The following ZFHX3 variants were observed in gnomAD, a reference collection of about 807,000 sequenced individuals.
ZFHX3 encodes zinc finger homeobox protein 3.
Under a neutral mutation model 279.1 loss-of-function variants are expected in ZFHX3, and 42 were observed. The observed-to-expected ratio is 0.15, with a 90% CI of 0.12 to 0.19. The LOEUF (loss-of-function observed/expected upper bound fraction) is 0.19. Ranked by LOEUF, ZFHX3 falls within the 10% of genes least tolerant of loss-of-function variation. The probability of loss-of-function intolerance (pLI) is 1.00; values close to 1 mark genes in which losing one functional copy is unlikely to be tolerated. For synonymous variants in ZFHX3, 2,293 were observed against 1,957.8 expected, an observed-to-expected ratio of 1.17 and a Z score of -4.52; for missense variants, 4,981 against 4,754.0, an observed-to-expected ratio of 1.05 and a Z score of -1.40.
At chr16:73,154,467 C>T (rs1478180432) in intron 5 of ZFHX3, among the ~76,000 whole-genome samples, 2 of 152,090 alleles carry the variant, frequency 1.3e-5, no homozygotes, top group African/African-American at 2.4e-5. Flanking sequence ...CTGATGATTC[C>T]GTTATCCTTG....
At chr16:73,192,583 C>A (rs2144890199) in intron 5 of ZFHX3, among the ~76,000 whole-genome samples, 1 of 152,292 alleles carries the variant, frequency 6.6e-6, no homozygotes, top group African/African-American at 2.4e-5. Flanking sequence ...AAGAGTTAAT[C>A]ACAGAATCAC....
At chr16:73,619,500 T>TATATATATA (rs34326004) in intron 2 of ZFHX3, among the ~76,000 whole-genome samples, 18 of 131,750 alleles carry the variant, frequency 1.4e-4, no homozygotes, top group African/African-American at 5.1e-4. Flanking sequence ...AAAAAAAAAA[T>TATATATATA]TATATATATA....
intron 2 of ZFHX3, among the ~76,000 whole-genome samples, chr16:73,507,749 C>T (rs1041471624): frequency 6.6e-6 from 1 of 151,804 alleles, no homozygotes; most frequent in Admixed American, 6.6e-5. Context: ...AATCCTCCCA[C>T]CTTGGCCTCC....
intron 2 of ZFHX3, among the ~76,000 whole-genome samples, chr16:73,642,985 T>C (rs1362736494): frequency 1.3e-5 from 2 of 152,032 alleles, no homozygotes; most frequent in African/African-American, 4.8e-5. Flanking sequence ...AAGCCAACAA[T>C]AGAATTTGAA....
chr16:72,900,381 C>T lies in ZFHX3; in HGVS notation c.3217-10419G>A, dbSNP rs150455669. On this transcript the variant is annotated intron_variant, in intron 3 of 9. Coordinates refer to ENST00000268489, the MANE Select transcript of ZFHX3 (RefSeq NM_006885.4). Reference sequence around the variant, plus strand: ...ACAGTCAATCCAGCAGAAAAAAACACGTGTCTACTGGTCAAAACGGGTGTG... The same window carrying T: ...ACAGTCAATCCAGCAGAAAAAAACATGTGTCTACTGGTCAAAACGGGTGTG... Among the ~76,000 whole-genome samples, 51 of 152,318 alleles carry T rather than the reference C, an allele frequency of 3.3e-4. 1 individual carries two copies. In the East Asian group the frequency reaches 7.3e-3, roughly 22 times the overall value.
chr16:73,220,719 G>T (rs528212195), intron 5 of ZFHX3, among the ~76,000 whole-genome samples: 118 of 152,158 alleles, frequency 7.8e-4, no homozygotes, highest in African/African-American at 2.5e-3. Flanking sequence ...CCAAGGTAAG[G>T]GTCTGTGGGG....
At chr16:73,802,497 G>A (rs1300371657) in intron 1 of ZFHX3, among the ~76,000 whole-genome samples, 3 of 152,206 alleles carry the variant, frequency 2.0e-5, no homozygotes, top group Admixed American at 2.0e-4. Flanking sequence ...AAGTATCCCA[G>A]ACACTGATGA....
intron 4 of ZFHX3, among the ~76,000 whole-genome samples, chr16:73,281,141 T>A (rs1296811490): frequency 2.0e-5 from 3 of 151,470 alleles, no homozygotes; most frequent in African/African-American, 4.9e-5. Flanking sequence ...TATATATTCA[T>A]AGGAATTGAA....
chr16:73,288,642 C>T (rs1038678496), intron 4 of ZFHX3, among the ~76,000 whole-genome samples: 1 of 152,100 alleles, frequency 6.6e-6, no homozygotes, highest in Non-Finnish European at 1.5e-5. Flanking sequence ...TCCTATTTGT[C>T]GCCCCCAAAC....
chr16:73,653,331 T>TG (rs2052689742), intron 2 of ZFHX3, among the ~76,000 whole-genome samples: 1 of 152,162 alleles, frequency 6.6e-6, no homozygotes, highest in Non-Finnish European at 1.5e-5. Context: ...ATTCACCATA[T>TG]GATGATCCAT....
At chr16:72,894,544 C>G (rs969102553) in intron 3 of ZFHX3, among the ~76,000 whole-genome samples, 1 of 152,128 alleles carries the variant, frequency 6.6e-6, no homozygotes, top group Non-Finnish European at 1.5e-5. Context: ...GCTAAGAGGC[C>G]CATGAGCACT....
chr16:72,790,012 G>C (rs2035628156), intron 9 of ZFHX3: 1 of 152,350 alleles, frequency 6.6e-6, no homozygotes, highest in Admixed American at 6.5e-5. Context: ...TCATGGGCTA[G>C]AATCCCATCC....
chr16:73,875,016 A>T (rs2029902778), intron 1 of ZFHX3, among the ~76,000 whole-genome samples: 2 of 152,200 alleles, frequency 1.3e-5, no homozygotes, highest in South Asian at 4.1e-4. Flanking sequence ...CTGCTAGTAC[A>T]TGCTGCATAC....
intron 7 of ZFHX3, among the ~76,000 whole-genome samples, chr16:72,802,146 A>C (rs1249540986): frequency 3.3e-5 from 5 of 152,192 alleles, no homozygotes; most frequent in Admixed American, 1.3e-4. Flanking sequence ...TAACAGACTC[A>C]GTACGACGGA....
At chr16:73,044,329 C>G (rs529681639) in intron 1 of ZFHX3, among the ~76,000 whole-genome samples, 2 of 152,258 alleles carry the variant, frequency 1.3e-5, no homozygotes. Flanking sequence ...ATTGCACCAG[C>G]CTTAGGAACC....
At chr16:73,171,351 C>G (rs1025398295) in intron 5 of ZFHX3, among the ~76,000 whole-genome samples, 3 of 152,068 alleles carry the variant, frequency 2.0e-5, no homozygotes, top group Admixed American at 2.0e-4. Context: ...GGTCAGGCAC[C>G]GATCAAATGC....
At chr16:73,434,040 C>T (rs183031859) in intron 3 of ZFHX3, among the ~76,000 whole-genome samples, 65 of 152,318 alleles carry the variant, frequency 4.3e-4, no homozygotes, top group Admixed American at 1.6e-3. Flanking sequence ...TCTGACCTCC[C>T]TTGACCTGAC....
rs1406660566 is a variant in ZFHX3, at chr16:73,720,176, G to A, written c.-1607-39936C>T. Among the ~76,000 whole-genome samples the A allele has an allele frequency of 4.6e-5, 7 of 152,232 alleles. No homozygotes were observed. In the East Asian group the frequency reaches 1.4e-3, roughly 29 times the overall value. On this transcript the variant is annotated intron_variant, in intron 1 of 17. Transcript: ENST00000641206. ...AAAGTTTCATGTTTCATTATTTAAC[G>A]ACAATCTCTAGTGTGGAAAAAGAGT...
chr16:73,037,227 G>A lies in ZFHX3; in HGVS notation c.-50+10525C>T, dbSNP rs187177675. 6.7e-4 allele frequency among the ~76,000 whole-genome samples: 102 copies of A among 152,278 alleles called. 1 individual carries two copies. Among genetic ancestry groups the A allele is most frequent in the African/African-American group, 2.2e-3 (93 of 41,546 alleles). On this transcript the variant is annotated intron_variant, in intron 1 of 9. Transcript: ENST00000268489. The stretch of plus-strand genomic sequence containing the variant: ...TGTAAAGTTCTTCCTTAGGAATACT[G>A]GGGTAAGGAGGTATTCAAATATCCG...
Sources: allele counts gnomAD v4.1 joint callset (sites outside exome capture counted in the v4.1 genomes callset), GRCh38; gene constraint gnomAD v4.1.1; transcripts MANE v1.5; gene names NCBI Gene and HGNC (gene_info 2026-07-23, HGNC 2026-07-21).